Variants in TIAM2 observed in about 807,000 individuals in gnomAD.
TIAM2 encodes the protein TIAM Rac1 associated GEF 2.
A neutral mutation model predicts 152.9 loss-of-function variants in TIAM2; 80 were observed. The ratio of observed to expected loss-of-function variants is 0.52; its 90% CI spans 0.44 to 0.63. The LOEUF (loss-of-function observed/expected upper bound fraction) is 0.63, where lower values mean the gene tolerates loss of function less well. Ranked by LOEUF, TIAM2 falls within the 30% of genes least tolerant of loss-of-function variation. The pLI, the probability that TIAM2 is intolerant of heterozygous loss-of-function variation, is 0.00. For synonymous variants in TIAM2, 804 were observed against 838.0 expected, an observed-to-expected ratio of 0.96 and a Z score of 0.70; for missense variants, 1,965 against 2,120.1, an observed-to-expected ratio of 0.93 and a Z score of 1.44.
chr6:155,093,672 C>T lies in TIAM2; in HGVS notation c.-118+3293C>T, dbSNP rs147503305. 6.2e-3 allele frequency among the ~76,000 whole-genome samples: 950 copies of T among 152,250 alleles called. 11 individuals carry two copies. The highest frequency in any genetic ancestry group is 0.021 in the African/African-American group (876 of 41,542). On this transcript the variant is annotated intron_variant, in intron 2 of 26. Coordinates refer to ENST00000682666, the MANE Select transcript of TIAM2 (RefSeq NM_012454.4). ...TTTGCAATAGTGAGCGTCTCAGGGC[C>T]GGATGTGGTGTCTGACGACTGGTTG...
intron 1 of TIAM2, among the ~76,000 whole-genome samples, chr6:155,046,751 C>T (rs1777184975): frequency 6.6e-6 from 1 of 152,110 alleles, no homozygotes; most frequent in Admixed American, 6.6e-5. Context: ...CTCCTGATCC[C>T]TCTGTGCCTC....
rs182058853 is a variant in TIAM2, at chr6:155,156,885, G to A, written c.2029-7530G>A. On this transcript the variant is annotated intron_variant, in intron 7 of 26. Coordinates refer to ENST00000682666, the MANE Select transcript of TIAM2 (RefSeq NM_012454.4). The surrounding 1 kb of genome is among the most constrained non-coding windows in gnomAD (Gnocchi z 4.4). ...CTCTTCATCTGGCTCACCCCTTCTC[G>A]ACTGTCATGAAGGGTTTAGGGGTCG... Among the ~76,000 whole-genome samples, 8 of 152,104 alleles carry A rather than the reference G, an allele frequency of 5.3e-5. No homozygotes were observed. The highest frequency in any genetic ancestry group is 2.6e-4 in the Admixed American group (4 of 15,270).
chr6:155,215,326 T>C (rs1354634506), intron 15 of TIAM2, among the ~76,000 whole-genome samples: 5 of 152,138 alleles, frequency 3.3e-5, no homozygotes, highest in Non-Finnish European at 7.3e-5. Context: ...CAGGTTGAAA[T>C]TGGGGCCGTC....
chr6:155,217,052 AG>A, intron 15 of TIAM2: 1 of 1,289,294 alleles, frequency 7.8e-7, no homozygotes, highest in Non-Finnish European at 1.0e-6. Context: ...TCCCAGAGGG[AG>A]CAGGTTTCTT....
intron 5 of TIAM2, among the ~76,000 whole-genome samples, chr6:155,140,546 C>CTG (rs1414176484): frequency 1.9e-4 from 17 of 91,666 alleles, no homozygotes; most frequent in African/African-American, 7.0e-4. Flanking sequence ...GGCAGGGTGA[C>CTG]TGTGTGTGTA....
chr6:155,063,002 A>G (rs1002982525), intron 1 of TIAM2, among the ~76,000 whole-genome samples: 2 of 152,124 alleles, frequency 1.3e-5, no homozygotes, highest in Non-Finnish European at 2.9e-5. Context: ...CAATTAAAAA[A>G]CTGGGTTGTT....
intron 15 of TIAM2, among the ~76,000 whole-genome samples, chr6:155,233,444 A>T (rs964848884): frequency 6.6e-6 from 1 of 152,140 alleles, no homozygotes; most frequent in Non-Finnish European, 1.5e-5. Flanking sequence ...ACCGTCAAAG[A>T]GGGTCTGGGC....
chr6:155,149,154 C>T (rs923144), intron 7 of TIAM2: 81,069 of 167,024 alleles, frequency 0.49, 19,909 homozygotes, highest in Middle Eastern at 0.56. Flanking sequence ...CCATTCAGAG[C>T]TCTGCATGGA....
At chr6:155,029,435 ATATT>A (rs1776751985) in intron 1 of TIAM2, among the ~76,000 whole-genome samples, 1 of 43,982 alleles carries the variant, frequency 2.3e-5, no homozygotes, top group Admixed American at 4.5e-4. Flanking sequence ...ACTATAGTAT[ATATT>A]ATACTATAGT....
At chr6:155,237,527 C>A (rs928699351) in intron 15 of TIAM2, among the ~76,000 whole-genome samples, 1 of 152,252 alleles carries the variant, frequency 6.6e-6, no homozygotes. Flanking sequence ...CTGCACTGCC[C>A]TAGTGGAGGT....
At chr6:155,164,320 A>G in intron 7 of TIAM2, 95 bp from the exon 8 acceptor site, 2 of 1,268,934 alleles carry the variant, frequency 1.6e-6, no homozygotes, top group South Asian at 3.1e-5. Context: ...GCCGAAACTA[A>G]TTTTTTCTTC....
intron 1 of TIAM2, among the ~76,000 whole-genome samples, chr6:155,020,161 TAAGTCCTG>T (rs1240288863): frequency 2.6e-5 from 4 of 152,196 alleles, no homozygotes; most frequent in Non-Finnish European, 5.9e-5. Context: ...CAGCCTTGCC[TAAGTCCTG>T]AACTTCTCCC....
Position 155,254,179 on chromosome 6 carries a change from C to A in TIAM2, c.4313+119C>A. 3 of 1,197,002 alleles carry A rather than the reference C, an allele frequency of 2.5e-6. No individual in the cohort carries two copies. In the South Asian group the frequency reaches 4.6e-5, roughly 19 times the overall value. 74.1% of individuals were successfully genotyped at this position (1,197,002 alleles called of 1,614,324 possible). ...TGATATCAGGGTCATACTCCCCACC[C>A]TCCGAAAAAGGCAACTGAGGCCGCT... On this transcript the variant is annotated intron_variant, in intron 25 of 26. Transcript: ENST00000682666.
rs967923695 is a variant in TIAM2 at position 155,209,483 on chromosome 6, C to T, written c.3065-1721C>T. 3.3e-5 allele frequency among the ~76,000 whole-genome samples: 5 copies of T among 152,192 alleles called. No individual in the cohort carries two copies. The East Asian group carries it at 5.8e-4, about 18-fold the overall frequency. ...TGGTTGAGGGTCTCATCTTACTTCC[C>T]GTGCAGTTAGCTTGTTGGTGAGGGG... On this transcript the variant is annotated intron_variant, in intron 14 of 26. Transcript: ENST00000682666.
At chr6:155,241,240 G>T (rs1203071981) in intron 16 of TIAM2, among the ~76,000 whole-genome samples, 3 of 152,230 alleles carry the variant, frequency 2.0e-5, no homozygotes, top group Admixed American at 6.5e-5. Context: ...AGTACCCGAA[G>T]AATTCATTTA....
chr6:155,088,215 C>T (rs371146446), intron 1 of TIAM2, among the ~76,000 whole-genome samples: 5 of 151,798 alleles, frequency 3.3e-5, no homozygotes, highest in South Asian at 2.1e-4. Context: ...CCACCACGCC[C>T]GGCTAATGTT....
intron 1 of TIAM2, among the ~76,000 whole-genome samples, chr6:155,031,935 A>G (rs1776828809): frequency 6.6e-6 from 1 of 152,218 alleles, no homozygotes; most frequent in Admixed American, 6.5e-5. Flanking sequence ...GGTATCTATG[A>G]AAGCTATTTT....
intron 1 of TIAM2, among the ~76,000 whole-genome samples, chr6:155,052,089 G>A (rs953265912): frequency 2.0e-5 from 3 of 152,156 alleles, no homozygotes; most frequent in Admixed American, 2.0e-4. Flanking sequence ...ACTATGGAAA[G>A]TTGATCTCCT....
At chr6:155,182,377 T>C (rs1583234780) in intron 13 of TIAM2, 59 bp downstream of exon 13, 1 of 1,374,258 alleles carries the variant, frequency 7.3e-7, no homozygotes, top group East Asian at 2.3e-5. Context: ...GGATACAGTC[T>C]GGCTAGTGAA....
Sources: gnomAD v4.1 joint callset for allele counts (sites outside exome capture counted in the v4.1 genomes callset) on GRCh38, gnomAD v4.1.1 for gene constraint, Gnocchi (gnomAD v3.1) non-coding constraint, MANE v1.5 for transcripts, NCBI Gene and HGNC (gene_info 2026-07-23, HGNC 2026-07-21) for gene names.